The following PPP1R9A variants were observed in gnomAD, a reference collection of about 807,000 sequenced individuals.
The protein encoded by PPP1R9A is protein phosphatase 1 regulatory subunit 9A, also known as neurabin-1.
A neutral mutation model predicts 141.9 loss-of-function variants in PPP1R9A; 59 were observed. The observed-to-expected ratio is 0.42, with a 90% CI of 0.34 to 0.52. The LOEUF is 0.52. Ranked by LOEUF, PPP1R9A falls within the 20% of genes least tolerant of loss-of-function variation. PPP1R9A has a pLI of 0.10. For missense variants in PPP1R9A, 1,444 were observed against 1,611.9 expected, an observed-to-expected ratio of 0.90 and a Z score of 1.78; for synonymous variants, 500 against 569.7, an observed-to-expected ratio of 0.88 and a Z score of 1.74.
At chr7:94,996,125 G>A (rs1462912792) in intron 2 of PPP1R9A, among the ~76,000 whole-genome samples, 1 of 151,842 alleles carries the variant, frequency 6.6e-6, no homozygotes, top group Non-Finnish European at 1.5e-5. Flanking sequence ...TATATCTTGG[G>A]GAAAAAAATG....
chr7:94,918,768 T>C (rs1792401797), intron 2 of PPP1R9A, among the ~76,000 whole-genome samples: 1 of 152,142 alleles, frequency 6.6e-6, no homozygotes, highest in Non-Finnish European at 1.5e-5. Context: ...AAGAAGAATA[T>C]AGGAGTATGG....
intron 2 of PPP1R9A, among the ~76,000 whole-genome samples, chr7:95,023,704 A>G (rs1806360727): frequency 6.6e-6 from 1 of 152,016 alleles, no homozygotes; most frequent in East Asian, 1.9e-4. Flanking sequence ...GGCACCCATC[A>G]CCACACCTGG....
chr7:95,081,049 A>G (rs915744667), intron 2 of PPP1R9A, among the ~76,000 whole-genome samples: 14 of 152,230 alleles, frequency 9.2e-5, no homozygotes, highest in African/African-American at 3.4e-4. Context: ...GAATAAGACT[A>G]GAATCAATTA....
chr7:95,083,825 A>G (rs1377878395), intron 2 of PPP1R9A, among the ~76,000 whole-genome samples: 1 of 152,042 alleles, frequency 6.6e-6, no homozygotes, highest in Non-Finnish European at 1.5e-5. Context: ...AAAATTGCTG[A>G]ATTGGGTGAA....
chr7:95,275,390 C>T (rs1450840307), intron 16 of PPP1R9A, among the ~76,000 whole-genome samples: 25 of 134,342 alleles, frequency 1.9e-4, no homozygotes, highest in Admixed American at 1.5e-3. Flanking sequence ...GGCGATAGAG[C>T]GAGACTCCGT....
At chr7:94,941,649 T>C (rs1169968066) in intron 2 of PPP1R9A, among the ~76,000 whole-genome samples, 1 of 152,000 alleles carries the variant, frequency 6.6e-6, no homozygotes, top group East Asian at 1.9e-4. Flanking sequence ...TTTCTCAAAA[T>C]TAAAAGCCAC....
In PPP1R9A at chr7:95,008,511, T is replaced by TTA. The variant is rs567081153; in HGVS notation, c.1395+97003_1395+97004insTA. 4.8e-3 allele frequency among the ~76,000 whole-genome samples: 730 copies of TTA among 152,322 alleles called. 8 individuals are homozygous for TTA. The Middle Eastern group carries it at 0.054, about 11-fold the overall frequency. Reference sequence around the variant, plus strand: ...TTTAATGGCTCAGTTCAGTAAAGTTTATTTCCTACTCACATGATAGTCCTT... The same window carrying TTA: ...TTTAATGGCTCAGTTCAGTAAAGTTTTAATTTCCTACTCACATGATAGTCCTT... On this transcript the variant is annotated intron_variant, in intron 2 of 19. Coordinates refer to ENST00000433360, the MANE Select transcript of PPP1R9A (RefSeq NM_001166160.2).
chr7:95,143,836 CTTTTAAT>C (rs1827124264), intron 4 of PPP1R9A, among the ~76,000 whole-genome samples: 1 of 151,426 alleles, frequency 6.6e-6, no homozygotes, highest in South Asian at 2.1e-4. Flanking sequence ...CCCAAATCGT[CTTTTAAT>C]TTTTAATTTG....
At chr7:94,933,212 A>G (rs181999953) in intron 2 of PPP1R9A, among the ~76,000 whole-genome samples, 1 of 152,164 alleles carries the variant, frequency 6.6e-6, no homozygotes, top group East Asian at 1.9e-4. Context: ...GTTTGCCATG[A>G]TTCCACTTGA....
chr7:95,033,918 T>C (rs552596952), intron 2 of PPP1R9A, among the ~76,000 whole-genome samples: 36 of 152,332 alleles, frequency 2.4e-4, no homozygotes, highest in Middle Eastern at 3.4e-3. Context: ...TCTTCATTGC[T>C]ATTTATTTAT....
At chr7:95,096,953 T>C (rs1296190617) in intron 2 of PPP1R9A, among the ~76,000 whole-genome samples, 1 of 152,228 alleles carries the variant, frequency 6.6e-6, no homozygotes, top group Non-Finnish European at 1.5e-5. Context: ...TAGATGTCTC[T>C]ACTGTGTGCT....
At chr7:95,130,961 G>A (rs893048518) in intron 4 of PPP1R9A, among the ~76,000 whole-genome samples, 4 of 152,106 alleles carry the variant, frequency 2.6e-5, no homozygotes, top group Admixed American at 6.5e-5. Flanking sequence ...GCCTTGTCTC[G>A]GATGAGATGT....
At chr7:95,025,619 G>C (rs546152630) in intron 2 of PPP1R9A, among the ~76,000 whole-genome samples, 15 of 152,208 alleles carry the variant, frequency 9.9e-5, no homozygotes, top group African/African-American at 3.4e-4. Flanking sequence ...ATGTTGGCCT[G>C]TCTTGCTAGG....
At chr7:95,265,335 A>G (rs766544272) in intron 12 of PPP1R9A, among the ~76,000 whole-genome samples, 1 of 152,224 alleles carries the variant, frequency 6.6e-6, no homozygotes, top group Non-Finnish European at 1.5e-5. Context: ...ACTCTCTGTC[A>G]CAGATTAACT....
At chr7:95,285,329 G>C (rs1241428585) in intron 17 of PPP1R9A, among the ~76,000 whole-genome samples, 1 of 152,216 alleles carries the variant, frequency 6.6e-6, no homozygotes, top group African/African-American at 2.4e-5. Flanking sequence ...AGCAAAAGAA[G>C]TTTTGATAGC....
chr7:95,243,777 C>G (rs1399485800), intron 8 of PPP1R9A, among the ~76,000 whole-genome samples: 1 of 152,046 alleles, frequency 6.6e-6, no homozygotes, highest in African/African-American at 2.4e-5. Context: ...AGGTTCACAA[C>G]ACCTGCCCTG....
intron 2 of PPP1R9A, among the ~76,000 whole-genome samples, chr7:94,927,165 G>A (rs997105081): frequency 3.9e-5 from 6 of 152,002 alleles, no homozygotes; most frequent in Admixed American, 2.0e-4. Flanking sequence ...TAATTTTTTG[G>A]GGGGGTTATG....
At chr7:95,235,422 C>G (rs1050298035) in intron 8 of PPP1R9A, among the ~76,000 whole-genome samples, 1 of 152,110 alleles carries the variant, frequency 6.6e-6, no homozygotes, top group South Asian at 2.1e-4. Context: ...TGGAAAAATG[C>G]TCAACATCAC....
chr7:95,204,769 CCACA>C (rs1175017493), intron 7 of PPP1R9A, among the ~76,000 whole-genome samples: 3 of 132,708 alleles, frequency 2.3e-5, no homozygotes, highest in African/African-American at 5.8e-5. Context: ...CCCACAAACA[CCACA>C]CACACACACC....
Sources: gnomAD v4.1 joint callset for allele counts (sites outside exome capture counted in the v4.1 genomes callset) on GRCh38, gnomAD v4.1.1 for gene constraint, MANE v1.5 for transcripts, NCBI Gene and HGNC (gene_info 2026-07-23, HGNC 2026-07-21) for gene names.